Variants in TSBP1 observed in about 807,000 individuals in gnomAD.
TSBP1 encodes testis expressed basic protein 1.
A neutral mutation model predicts 68.8 loss-of-function variants in TSBP1; 56 were observed. The ratio of observed to expected loss-of-function variants is 0.81; its 90% CI spans 0.66 to 1.02. TSBP1 has a LOEUF of 1.02. Ranked by LOEUF, TSBP1 falls within the 50% of genes least tolerant of loss-of-function variation. The probability of loss-of-function intolerance (pLI) is 0.00; values close to 1 mark genes in which losing one functional copy is unlikely to be tolerated. For synonymous variants in TSBP1, 171 were observed against 208.7 expected (o/e 0.82, Z 1.56); for missense variants, 502 against 641.2 (o/e 0.78, Z 2.34).
At chr6:32,318,819 T>C (rs1767266261) in intron 18 of TSBP1, among the ~76,000 whole-genome samples, 1 of 152,186 alleles carries the variant, frequency 6.6e-6, no homozygotes, top group Non-Finnish European at 1.5e-5. Context: ...GATGAGAATG[T>C]TCTAAAATTC....
intron 16 of TSBP1, 39 bp downstream of exon 17, chr6:32,330,550 C>A: frequency 6.3e-7 from 1 of 1,596,088 alleles, no homozygotes; most frequent in Non-Finnish European, 8.6e-7. Context: ...TGTAGAAGAT[C>A]AAGGAACCTG....
intron 9 of TSBP1, among the ~76,000 whole-genome samples, chr6:32,341,011 G>A (rs1181177727): frequency 6.6e-6 from 1 of 152,100 alleles, no homozygotes; most frequent in Non-Finnish European, 1.5e-5. Context: ...GGCCAGGCTG[G>A]TCTCAAACTC....
chr6:32,360,009 C>A (rs1772815326), intron 6 of TSBP1, among the ~76,000 whole-genome samples: 1 of 152,084 alleles, frequency 6.6e-6, no homozygotes, highest in Admixed American at 6.5e-5. Flanking sequence ...ATTAACATAT[C>A]TACCACTTCA....
chr6:32,367,871 A>G lies in TSBP1; in HGVS notation c.166+54T>C, dbSNP rs1411978258. ...CTCAAATGGAGATGAGTTGATTCAC[A>G]CTCTAAAGAGTATATTCCTTCATTA... On this transcript the variant is annotated intron_variant, in intron 4 of 22. Coordinates refer to ENST00000612031, the Ensembl canonical transcript of TSBP1. 5 of 1,339,736 alleles carry G rather than the reference A, an allele frequency of 3.7e-6. No individual in the cohort carries two copies. The African/African-American group carries it at 4.4e-5, about 12-fold the overall frequency. 83.0% of individuals were successfully genotyped at this position (1,339,736 alleles called of 1,614,324 possible). A position where few individuals can be genotyped will look rare whatever the true frequency, so the allele number is the denominator to read the frequency against.
Position 32,343,249 on chromosome 6 carries a change from T to C in TSBP1, c.350-3611A>G. ...GAAGATAAACTTACTCATGGATCCT[T>C]GAGGTAAAGCTAAAGAACAATAACA... On this transcript the variant is annotated intron_variant, in intron 9 of 22. Coordinates refer to ENST00000612031, the Ensembl canonical transcript of TSBP1. The surrounding 1 kb of genome is among the most constrained non-coding windows in gnomAD (Gnocchi z 4.3). The C allele has an allele frequency of 7.1e-7, 1 of 1,413,356 alleles. No individual in the cohort carries two copies. Among genetic ancestry groups the C allele is most frequent in the Non-Finnish European group, 9.3e-7 (1 of 1,077,214 alleles). The allele number at this position is 1,413,356 out of a possible 1,614,324, so 87.6% of individuals were successfully genotyped here. A position where few individuals can be genotyped will look rare whatever the true frequency, so the allele number is the denominator to read the frequency against.
In TSBP1 at chr6:32,314,537, G is replaced by A. The variant is rs1352774619; in HGVS notation, c.580+1235C>T. 6.6e-6 allele frequency among the ~76,000 whole-genome samples: 1 copy of A among 152,218 alleles called. No homozygotes were observed. The highest frequency in any genetic ancestry group is 1.5e-5 in the Non-Finnish European group (1 of 68,038). ...GAGTATGTATTTTCATCTGTGCAGT[G>A]AGAATACTTAGCTGATCAGCCTCTT... On this transcript the variant is annotated intron_variant, in intron 19 of 22. Transcript: ENST00000612031. This position sits in a 1 kb window ranked among gnomAD's most constrained non-coding sequence, Gnocchi z 4.2.
chr6:32,326,567 A>G (rs567211458), intron 16 of TSBP1, among the ~76,000 whole-genome samples: 121 of 152,350 alleles, frequency 7.9e-4, no homozygotes, highest in African/African-American at 2.6e-3. Context: ...TCATATCACA[A>G]TGTGGATGCA....
chr6:32,355,159 C>T lies in TSBP1; in HGVS notation c.239-15G>A, dbSNP rs1006799166. 2 of 1,611,492 alleles carry T rather than the reference C, an allele frequency of 1.2e-6. No homozygotes were observed. Among genetic ancestry groups the T allele is most frequent in the African/African-American group, 1.3e-5 (1 of 74,852 alleles). On this transcript the variant is annotated splice_polypyrimidine_tract_variant and intron_variant, in intron 7 of 22. Transcript: ENST00000612031. The stretch of plus-strand genomic sequence containing the variant: ...GGTTGATGGTGCTAAAATACACACA[C>T]AGAAAACATGAGGTGAATCATGAGA...
At chr6:32,326,448 C>T (rs1330431204) in intron 16 of TSBP1, among the ~76,000 whole-genome samples, 1 of 151,608 alleles carries the variant, frequency 6.6e-6, no homozygotes, top group African/African-American at 2.4e-5. Context: ...TTTTTTTGCA[C>T]CCATGCTGTT....
intron 6 of TSBP1, 94 bp from the exon 7 acceptor site, chr6:32,355,763 C>G: frequency 7.1e-7 from 1 of 1,417,768 alleles, no homozygotes. Flanking sequence ...TCAACACCCT[C>G]AAATATCCAG....
At chr6:32,330,450 G>A in intron 16 of TSBP1, 139 bp downstream of exon 17, 1 of 703,238 alleles carries the variant, frequency 1.4e-6, no homozygotes, top group South Asian at 2.5e-5. Context: ...GTTGAAATCA[G>A]GAAGCATAAA....
Position 32,316,370 on chromosome 6 carries a change from T to G in TSBP1, c.560-578A>C. ...TGAAGGGGACCAAAGAGAACCAAAG[T>G]AGAAAAAGACATGTAATACTTACTT... On this transcript the variant is annotated intron_variant, in intron 18 of 22. Transcript: ENST00000612031. The surrounding 1 kb of genome is among the most constrained non-coding windows in gnomAD (Gnocchi z 4.5). 6.4e-7 allele frequency: 1 copy of G among 1,569,168 alleles called. No individual in the cohort carries two copies. Among genetic ancestry groups the G allele is most frequent in the Non-Finnish European group, 8.7e-7 (1 of 1,153,790 alleles).
chr6:32,333,033 G>A lies in TSBP1; in HGVS notation c.473-979C>T, dbSNP rs1769237225. Among the ~76,000 whole-genome samples, 1 of 149,704 alleles carries A rather than the reference G, an allele frequency of 6.7e-6. No individual in the cohort carries two copies. Among genetic ancestry groups the A allele is most frequent in the Non-Finnish European group, 1.5e-5 (1 of 67,388 alleles). On this transcript the variant is annotated intron_variant, in intron 14 of 22. Coordinates refer to ENST00000612031, the Ensembl canonical transcript of TSBP1. This position sits in a 1 kb window ranked among gnomAD's most constrained non-coding sequence, Gnocchi z 4.2. ...TTTGTTGTTGTTTTTTTTTTAGACA[G>A]AGTCTTACTCTGTCGCCCAGGCTGG...
intron 15 of TSBP1, among the ~76,000 whole-genome samples, 173 bp downstream of exon 16, chr6:32,331,861 T>C (rs548001832): frequency 2.6e-5 from 4 of 152,318 alleles, no homozygotes; most frequent in Non-Finnish European, 5.9e-5. Context: ...CTGTGTCTTT[T>C]CTTTAACCCT....
chr6:32,292,782 A>G lies in TSBP1; in HGVS notation c.*199T>C, dbSNP rs482194. Reference sequence around the variant, plus strand: ...CGGAATCATATACGTCTTAACTTATAAAACAAATATTTGGAAACTGAGGTT... The same window carrying G: ...CGGAATCATATACGTCTTAACTTATGAAACAAATATTTGGAAACTGAGGTT... On this transcript the variant is annotated 3_prime_UTR_variant, in exon 23 of 23. Coordinates refer to ENST00000612031, the Ensembl canonical transcript of TSBP1. This position sits in a 1 kb window ranked among gnomAD's most constrained non-coding sequence, Gnocchi z 4.1. 0.38 allele frequency: 204,218 copies of G among 535,074 alleles called. 41,925 individuals carry two copies. Among genetic ancestry groups the G allele is most frequent in the Middle Eastern group, 0.55 (1,148 of 2,070 alleles). 33.1% of individuals were successfully genotyped at this position (535,074 alleles called of 1,614,324 possible).
intron 16 of TSBP1, among the ~76,000 whole-genome samples, chr6:32,327,667 T>C (rs1291763379): frequency 6.7e-6 from 1 of 149,996 alleles, no homozygotes; most frequent in Non-Finnish European, 1.5e-5. Flanking sequence ...TTTTTTTTTC[T>C]TTTTGAGACA....
intron 20 of TSBP1, among the ~76,000 whole-genome samples, chr6:32,301,958 A>AAAT (rs563966984): frequency 0.13 from 16,313 of 127,216 alleles, 994 homozygotes; most frequent in African/African-American, 0.19. Context: ...TAAATAGTTG[A>AAAT]AATCATCATC....
chr6:32,329,131 G>C (rs763147336), intron 16 of TSBP1, among the ~76,000 whole-genome samples: 1 of 152,000 alleles, frequency 6.6e-6, no homozygotes, highest in Non-Finnish European at 1.5e-5. Context: ...TCTCCAAATC[G>C]CTTATAACTT....
At chr6:32,310,864 G>C (rs569143331) in intron 19 of TSBP1, among the ~76,000 whole-genome samples, 32 of 151,134 alleles carry the variant, frequency 2.1e-4, no homozygotes, top group African/African-American at 7.8e-4. Flanking sequence ...TGCTGTACTA[G>C]CTGTCATATG....
Sources: allele counts gnomAD v4.1 joint callset (sites outside exome capture counted in the v4.1 genomes callset), GRCh38; gene constraint gnomAD v4.1.1; non-coding constraint Gnocchi (gnomAD v3.1); transcripts MANE v1.5; gene names NCBI Gene and HGNC (gene_info 2026-07-23, HGNC 2026-07-21).